Variants in KIRREL3 observed in about 807,000 individuals in gnomAD.
The protein encoded by KIRREL3 is kin of IRRE-like protein 3.
A neutral mutation model predicts 89.7 loss-of-function variants in KIRREL3; 36 were observed. The ratio of observed to expected loss-of-function variants is 0.40; its 90% CI spans 0.31 to 0.53. KIRREL3 has a LOEUF of 0.53. KIRREL3 is among the 20% of genes least tolerant of loss of function. The probability of loss-of-function intolerance (pLI) is 0.49; values close to 1 mark genes in which losing one functional copy is unlikely to be tolerated. For synonymous variants in KIRREL3, 445 were observed against 441.4 expected (o/e 1.01, Z -0.10); for missense variants, 864 against 1,056.6 (o/e 0.82, Z 2.53).
At chr11:126,880,972 G>A (rs542844997) in intron 1 of KIRREL3, among the ~76,000 whole-genome samples, 4 of 152,312 alleles carry the variant, frequency 2.6e-5, no homozygotes, top group African/African-American at 9.6e-5. Flanking sequence ...TGTACCGTGT[G>A]TTTATCAAAA....
At chr11:126,757,301 TA>T (rs11350914) in intron 1 of KIRREL3, among the ~76,000 whole-genome samples, 3,488 of 129,850 alleles carry the variant, frequency 0.027, 175 homozygotes, top group East Asian at 0.26. Flanking sequence ...AAAAAGAAAA[TA>T]AAAAAAAAAA....
At chr11:126,799,207 T>C in intron 1 of KIRREL3, among the ~76,000 whole-genome samples, 1 of 151,492 alleles carries the variant, frequency 6.6e-6, no homozygotes, top group Admixed American at 6.6e-5. Context: ...TGTGTGCATG[T>C]GTGTATCTGT....
chr11:126,529,621 C>T (rs1039468685), intron 2 of KIRREL3, among the ~76,000 whole-genome samples: 1 of 132,542 alleles, frequency 7.5e-6, no homozygotes, highest in African/African-American at 3.0e-5. Flanking sequence ...AAAAAAAAGA[C>T]CTTCCTAGAG....
intron 1 of KIRREL3, among the ~76,000 whole-genome samples, chr11:126,975,887 C>A (rs1949551708): frequency 1.0e-5 from 1 of 100,366 alleles, no homozygotes; most frequent in South Asian, 4.5e-4. Flanking sequence ...TTTTCTTTTC[C>A]CTCCCTCCCT....
chr11:126,433,974 G>A (rs1955227392), intron 13 of KIRREL3, among the ~76,000 whole-genome samples: 1 of 152,256 alleles, frequency 6.6e-6, no homozygotes, highest in South Asian at 2.1e-4. Context: ...CGCTGCTGAC[G>A]GCTGGGGGAG....
chr11:126,734,920 C>G lies in KIRREL3; in HGVS notation c.56-172008G>C, dbSNP rs73573436. On this transcript the variant is annotated intron_variant, in intron 1 of 16. Coordinates refer to ENST00000525144, the MANE Select transcript of KIRREL3 (RefSeq NM_032531.4). This position sits in a 1 kb window ranked among gnomAD's most constrained non-coding sequence, Gnocchi z 5.9. ...GATGGGGTTTGTGGTTGGAACGGTGCTGTCTTCTGGTCCAGCTGTGCCTGG... is the reference window on the plus strand; with the variant it reads ...GATGGGGTTTGTGGTTGGAACGGTGGTGTCTTCTGGTCCAGCTGTGCCTGG... 0.19 allele frequency among the ~76,000 whole-genome samples: 29,032 copies of G among 152,060 alleles called. 2,940 individuals are homozygous for G. The highest frequency in any genetic ancestry group is 0.23 in the African/African-American group (9,371 of 41,452).
chr11:126,505,131 A>T lies in KIRREL3; in HGVS notation c.433+16184T>A, dbSNP rs1003431808. 3.3e-5 allele frequency among the ~76,000 whole-genome samples: 5 copies of T among 152,240 alleles called. 1 individual carries two copies. Among genetic ancestry groups the T allele is most frequent in the African/African-American group, 1.2e-4 (5 of 41,466 alleles). On this transcript the variant is annotated intron_variant, in intron 4 of 16. Coordinates refer to ENST00000525144, the MANE Select transcript of KIRREL3 (RefSeq NM_032531.4). ...ATGTCTGCTCTCACCATTTCTATTC[A>T]GCATTGTACTGTAAGTTCTAGCCAG...
intron 1 of KIRREL3, among the ~76,000 whole-genome samples, chr11:126,662,516 C>T (rs1177724589): frequency 6.6e-6 from 1 of 152,170 alleles, no homozygotes; most frequent in Non-Finnish European, 1.5e-5. Context: ...TGAGGGCCTT[C>T]TTGCTGCATC....
chr11:126,642,616 G>A lies in KIRREL3; in HGVS notation c.56-79704C>T, dbSNP rs1438095533. ...AGAGAACCTCTTAGAAGTAGGCCAA[G>A]GAGCAAAGAAGAAGTCCCATAAAGG... On this transcript the variant is annotated intron_variant, in intron 1 of 16. Transcript: ENST00000525144. The surrounding 1 kb of genome is among the most constrained non-coding windows in gnomAD (Gnocchi z 4.9). 1.3e-5 allele frequency among the ~76,000 whole-genome samples: 2 copies of A among 152,180 alleles called. No homozygotes were observed. Among genetic ancestry groups the A allele is most frequent in the Admixed American group, 6.5e-5 (1 of 15,282 alleles).
chr11:126,440,671 T>G (rs1320950103), intron 10 of KIRREL3, 122 bp from the exon 11 acceptor site: 1 of 902,096 alleles, frequency 1.1e-6, no homozygotes, highest in Non-Finnish European at 1.8e-6. Context: ...GCCGAAGGCC[T>G]GTATGTGCAA....
In KIRREL3 at chr11:126,551,010, C is replaced by T. The variant is rs1315013765; in HGVS notation, c.133+11825G>A. On this transcript the variant is annotated intron_variant, in intron 2 of 16. Transcript: ENST00000525144. The surrounding 1 kb of genome is among the most constrained non-coding windows in gnomAD (Gnocchi z 4.9). The stretch of plus-strand genomic sequence containing the variant: ...CGCTGCAAGTTGGGGGTTCCCAAGA[C>T]CTTCTGTTTGGGTTTGATTAATTTG... Among the ~76,000 whole-genome samples, 1 of 152,190 alleles carries T rather than the reference C, an allele frequency of 6.6e-6. No homozygotes were observed. The highest frequency in any genetic ancestry group is 1.5e-5 in the Non-Finnish European group (1 of 68,048).
chr11:126,922,956 C>G (rs1186812343), intron 1 of KIRREL3, among the ~76,000 whole-genome samples: 3 of 152,222 alleles, frequency 2.0e-5, no homozygotes, highest in Admixed American at 1.3e-4. Flanking sequence ...CCTGTGACCA[C>G]CAGGCAGTCT....
intron 1 of KIRREL3, among the ~76,000 whole-genome samples, chr11:126,881,403 C>A (rs954270208): frequency 4.7e-5 from 5 of 107,372 alleles, no homozygotes; most frequent in Non-Finnish European, 5.3e-5. Context: ...GGTCTCCCAG[C>A]CAACTGGCCT....
intron 1 of KIRREL3, among the ~76,000 whole-genome samples, chr11:126,654,187 GGT>G (rs141760240): frequency 0.51 from 77,299 of 151,812 alleles, 20,359 homozygotes; most frequent in Admixed American, 0.6. Flanking sequence ...ACACCTGACA[GGT>G]GGCGGGGAAG....
intron 1 of KIRREL3, among the ~76,000 whole-genome samples, chr11:126,923,157 T>C (rs1306131234): frequency 0.091 from 2,278 of 25,024 alleles, 300 homozygotes; most frequent in Middle Eastern, 0.21. Flanking sequence ...TTCTTCTTCT[T>C]CTTCTTCTTC....
At chr11:126,947,170 T>C (rs1162956048) in intron 1 of KIRREL3, among the ~76,000 whole-genome samples, 2 of 152,198 alleles carry the variant, frequency 1.3e-5, no homozygotes, top group Non-Finnish European at 2.9e-5. Flanking sequence ...ACCATCTCCA[T>C]GGCAGTCCCC....
intron 1 of KIRREL3, among the ~76,000 whole-genome samples, chr11:126,711,538 G>T (rs1947754894): frequency 6.6e-6 from 1 of 152,066 alleles, no homozygotes; most frequent in Non-Finnish European, 1.5e-5. Context: ...CTCCAGCCTG[G>T]GCGACAGAGC....
chr11:126,801,779 A>C (rs1178557711), intron 1 of KIRREL3, among the ~76,000 whole-genome samples: 1 of 152,166 alleles, frequency 6.6e-6, no homozygotes, highest in East Asian at 1.9e-4. Flanking sequence ...ATTTGTTTGA[A>C]ATACAAAGTC....
chr11:126,516,998 G>T lies in KIRREL3; in HGVS notation c.433+4317C>A, dbSNP rs1344090189. Among the ~76,000 whole-genome samples the T allele has an allele frequency of 1.3e-5, 2 of 152,134 alleles. No homozygotes were observed. Among genetic ancestry groups the T allele is most frequent in the African/African-American group, 2.4e-5 (1 of 41,424 alleles). On this transcript the variant is annotated intron_variant, in intron 4 of 16. Transcript: ENST00000525144. The surrounding 1 kb of genome is among the most constrained non-coding windows in gnomAD (Gnocchi z 4.9). ...AGGCTGGAGCAGGAGGACCCAGAAGGCGGAGGTTGCGGTGAGCTGAGATCG... is the reference window on the plus strand; with the variant it reads ...AGGCTGGAGCAGGAGGACCCAGAAGTCGGAGGTTGCGGTGAGCTGAGATCG...
Sources: gnomAD v4.1 joint callset for allele counts (sites outside exome capture counted in the v4.1 genomes callset) on GRCh38, gnomAD v4.1.1 for gene constraint, Gnocchi (gnomAD v3.1) non-coding constraint, MANE v1.5 for transcripts, NCBI Gene and HGNC (gene_info 2026-07-23, HGNC 2026-07-21) for gene names.